ADAMTS3: variants seen among roughly 807,000 people sequenced by gnomAD.
ADAMTS3 encodes A disintegrin and metalloproteinase with thrombospondin motifs 3.
ADAMTS3 carries 73 observed loss-of-function variants against 129.0 expected under a neutral mutation model. That is an observed-to-expected ratio of 0.57 (90% CI 0.47 to 0.69). The LOEUF (loss-of-function observed/expected upper bound fraction) is 0.69, where lower values mean the gene tolerates loss of function less well. Among genes scored for constraint, ADAMTS3 ranks in the 30% least tolerant of loss-of-function variants. ADAMTS3 has a pLI of 0.00. For missense variants in ADAMTS3, 1,457 were observed against 1,514.5 expected, an observed-to-expected ratio of 0.96 and a Z score of 0.63; for synonymous variants, 477 against 510.8, an observed-to-expected ratio of 0.93 and a Z score of 0.89.
At chr4:72,452,218 C>CAGCT (rs1274682265) in intron 3 of ADAMTS3, among the ~76,000 whole-genome samples, 16 of 150,096 alleles carry the variant, frequency 1.1e-4, no homozygotes, top group Non-Finnish European at 1.5e-4. Flanking sequence ...AAGTATTGAC[C>CAGCT]AGCTCTACAC....
intron 3 of ADAMTS3, among the ~76,000 whole-genome samples, chr4:72,447,642 A>G (rs1718293497): frequency 6.6e-6 from 1 of 151,754 alleles, no homozygotes; most frequent in East Asian, 2.0e-4. Context: ...CCTAAGATTA[A>G]TAGAGAAGAT....
chr4:72,299,349 A>T (rs1415960983), intron 17 of ADAMTS3, among the ~76,000 whole-genome samples: 1 of 147,158 alleles, frequency 6.8e-6, no homozygotes, highest in African/African-American at 2.7e-5. Flanking sequence ...GCTAAATTGC[A>T]CTTGTACAAA....
At chr4:72,316,100 T>G in intron 10 of ADAMTS3, 129 bp from the exon 11 acceptor site, 1 of 449,052 alleles carries the variant, frequency 2.2e-6, no homozygotes, top group Non-Finnish European at 3.9e-6. Flanking sequence ...GCCAATGTTT[T>G]GACATGTTGA....
chr4:72,384,543 A>T (rs1034896353), intron 4 of ADAMTS3, among the ~76,000 whole-genome samples: 5 of 152,216 alleles, frequency 3.3e-5, no homozygotes, highest in Admixed American at 2.6e-4. Context: ...CCAAAACTTT[A>T]AAAACTACCA....
intron 4 of ADAMTS3, among the ~76,000 whole-genome samples, chr4:72,346,761 T>C (rs1166014160): frequency 1.3e-5 from 2 of 152,142 alleles, no homozygotes; most frequent in South Asian, 2.1e-4. Flanking sequence ...GAAAATGCTA[T>C]AGTTTTATTT....
chr4:72,314,174 T>C (rs182953781), intron 11 of ADAMTS3, among the ~76,000 whole-genome samples: 1 of 152,258 alleles, frequency 6.6e-6, no homozygotes, highest in African/African-American at 2.4e-5. Context: ...ACTACCTATA[T>C]CATACCAGAA....
chr4:72,327,114 GA>G (rs910183556), intron 5 of ADAMTS3, among the ~76,000 whole-genome samples: 1 of 151,724 alleles, frequency 6.6e-6, no homozygotes, highest in Non-Finnish European at 1.5e-5. Flanking sequence ...GAAAAATATT[GA>G]AAAAAATCAT....
chr4:72,292,548 C>G (rs1293761416), intron 19 of ADAMTS3, among the ~76,000 whole-genome samples: 1 of 152,136 alleles, frequency 6.6e-6, no homozygotes, highest in Non-Finnish European at 1.5e-5. Context: ...GGGACATTCC[C>G]AAATTCTAAT....
chr4:72,477,508 AACAT>A (rs752734492), intron 3 of ADAMTS3, among the ~76,000 whole-genome samples: 297 of 152,290 alleles, frequency 2.0e-3, no homozygotes, highest in Non-Finnish European at 3.4e-3. Context: ...AAAAAGACAC[AACAT>A]ACCAGAATCT....
At chr4:72,506,532 C>T (rs1489680079) in intron 3 of ADAMTS3, among the ~76,000 whole-genome samples, 1 of 152,192 alleles carries the variant, frequency 6.6e-6, no homozygotes, top group African/African-American at 2.4e-5. Context: ...TGCCAGCTCA[C>T]CACAGAATGG....
At chr4:72,463,404 T>C (rs1718825406) in intron 3 of ADAMTS3, among the ~76,000 whole-genome samples, 1 of 151,986 alleles carries the variant, frequency 6.6e-6, no homozygotes, top group Non-Finnish European at 1.5e-5. Context: ...TTTTGTCAGG[T>C]TATTTATGCC....
intron 3 of ADAMTS3, among the ~76,000 whole-genome samples, chr4:72,505,604 G>T (rs1238397282): frequency 6.6e-6 from 1 of 152,212 alleles, no homozygotes; most frequent in African/African-American, 2.4e-5. Flanking sequence ...TACACCTACA[G>T]GTCCCCTGAT....
intron 15 of ADAMTS3, among the ~76,000 whole-genome samples, chr4:72,306,962 A>G (rs1454341821): frequency 3.3e-5 from 5 of 151,898 alleles, no homozygotes; most frequent in African/African-American, 1.2e-4. Flanking sequence ...GACAATAGTC[A>G]GGTCAATTAG....
intron 20 of ADAMTS3, among the ~76,000 whole-genome samples, chr4:72,290,378 G>C (rs1224977706): frequency 2.0e-5 from 3 of 152,188 alleles, no homozygotes; most frequent in Non-Finnish European, 4.4e-5. Flanking sequence ...AGGTTTGGTG[G>C]AGAAGGAGAG....
intron 3 of ADAMTS3, among the ~76,000 whole-genome samples, chr4:72,515,144 G>A (rs912202240): frequency 1.3e-5 from 2 of 152,132 alleles, no homozygotes; most frequent in Admixed American, 6.5e-5. Flanking sequence ...TTTCATCCAT[G>A]TCCCTACAAA....
At chr4:72,323,136 C>G (rs905608942) in intron 5 of ADAMTS3, 39 bp from the exon 6 acceptor site, 1 of 1,505,196 alleles carries the variant, frequency 6.6e-7, no homozygotes. Context: ...AGAAAGGAAA[C>G]ACCGAGGATT....
At chr4:72,517,439 G>T (rs1456351145) in intron 3 of ADAMTS3, among the ~76,000 whole-genome samples, 7 of 152,192 alleles carry the variant, frequency 4.6e-5, no homozygotes, top group African/African-American at 1.4e-4. Flanking sequence ...ACCTCTGGTA[G>T]AATTCGGCTG....
chr4:72,427,225 T>C (rs878926348), intron 3 of ADAMTS3, among the ~76,000 whole-genome samples: 6 of 152,114 alleles, frequency 3.9e-5, no homozygotes, highest in Non-Finnish European at 5.9e-5. Context: ...TTAGATCCCA[T>C]TGAATTCATT....
rs5859330 is a variant in ADAMTS3, at chr4:72,568,662, GT to G, written c.69+31del. 0.99 allele frequency: 1,548,615 copies of G among 1,562,048 alleles called. 768,431 individuals are homozygous for G. The highest frequency in any genetic ancestry group is 1 in the East Asian group (44,332 of 44,342). The stretch of plus-strand genomic sequence containing the variant: ...CTTTTCGGGAAAAGGTTGGGTTTGA[GT>G]TTTTTTTTATTGTTATTATTTTCCA... On this transcript the variant is annotated intron_variant, in intron 1 of 21. Coordinates refer to ENST00000286657, the MANE Select transcript of ADAMTS3 (RefSeq NM_014243.3).
Sources: allele counts gnomAD v4.1 joint callset (sites outside exome capture counted in the v4.1 genomes callset), GRCh38; gene constraint gnomAD v4.1.1; transcripts MANE v1.5; gene names NCBI Gene and HGNC (gene_info 2026-07-23, HGNC 2026-07-21).